Variants in HSPG2 observed in about 807,000 individuals in gnomAD.
HSPG2 encodes heparan sulfate proteoglycan 2, also known as basement membrane-specific heparan sulfate proteoglycan core protein.
HSPG2 carries 278 observed loss-of-function variants against 526.6 expected under a neutral mutation model. That is an observed-to-expected ratio of 0.53 (90% CI 0.48 to 0.58). The LOEUF (loss-of-function observed/expected upper bound fraction) is 0.58. HSPG2 is among the 20% of genes least tolerant of loss of function. The pLI is 0.00. For missense variants in HSPG2, 5,354 were observed against 6,099.5 expected (o/e 0.88, Z 4.07); for synonymous variants, 2,465 against 2,555.4 (o/e 0.96, Z 1.07).
rs897472 is a variant in HSPG2 at position 21,864,538 on chromosome 1, C to A, written c.4626+305G>T. Among the ~76,000 whole-genome samples the A allele has an allele frequency of 0.94, 143,553 of 152,252 alleles. 68,132 individuals are homozygous for A. The highest frequency in any genetic ancestry group is 1 in the Non-Finnish European group (67,875 of 68,034). ...CGGAGAGTGTGGCCCAAACGTGAGG[C>A]TGCACTGCCCAGTGGTTAGGACATG... On this transcript the variant is annotated intron_variant, in intron 36 of 96. Coordinates refer to ENST00000374695, the MANE Select transcript of HSPG2 (RefSeq NM_005529.7). The surrounding 1 kb of genome is among the most constrained non-coding windows in gnomAD (Gnocchi z 4.8).
chr1:21,916,327 C>G (rs71637002), intron 1 of HSPG2, among the ~76,000 whole-genome samples: 1 of 152,010 alleles, frequency 6.6e-6, no homozygotes, highest in Non-Finnish European at 1.5e-5. Context: ...CGGTGAAACC[C>G]TGTCTCTATT....
intron 1 of HSPG2, among the ~76,000 whole-genome samples, chr1:21,909,254 C>T (rs1300077833): frequency 1.3e-5 from 2 of 152,148 alleles, no homozygotes; most frequent in Non-Finnish European, 2.9e-5. Context: ...CTGCAGACAG[C>T]TTACAAAGAT....
chr1:21,874,771 G>A (rs372109121), intron 26 of HSPG2, 42 bp from the exon 27 acceptor site: 310 of 1,536,454 alleles, frequency 2.0e-4, no homozygotes, highest in Non-Finnish European at 2.5e-4. Flanking sequence ...TTCCGAACAC[G>A]GCCCATTCAG....
chr1:21,918,589 C>T (rs1166858768), intron 1 of HSPG2, among the ~76,000 whole-genome samples: 3 of 152,094 alleles, frequency 2.0e-5, no homozygotes, highest in Non-Finnish European at 2.9e-5. Context: ...AGTTATCTTC[C>T]CAACAGCCCC....
Position 21,839,238 on chromosome 1 carries a change from G to C in HSPG2, c.9889+133C>G, listed in dbSNP as rs1463977493. 3 of 1,425,714 alleles carry C rather than the reference G, an allele frequency of 2.1e-6. No homozygotes were observed. The highest frequency in any genetic ancestry group is 2.9e-6 in the Non-Finnish European group (3 of 1,031,490). The allele number at this position is 1,425,714 out of a possible 1,614,324, so 88.3% of individuals were successfully genotyped here. A position where few individuals can be genotyped will look rare whatever the true frequency, so the allele number is the denominator to read the frequency against. On this transcript the variant is annotated intron_variant, in intron 73 of 96. Transcript: ENST00000374695. This position sits in a 1 kb window ranked among gnomAD's most constrained non-coding sequence, Gnocchi z 4.5. The stretch of plus-strand genomic sequence containing the variant: ...TCCCAGGCCAGGGTGTGGGTGTCGG[G>C]CAGGGCAGGCTCCAGGACCCTGCAG...
At chr1:21,869,761 C>T (rs36086776) in intron 33 of HSPG2, 48,340 of 981,238 alleles carry the variant, frequency 0.049, 1,369 homozygotes, top group South Asian at 0.11. Flanking sequence ...GCCAGCCACC[C>T]GCTCTGCACT....
At position 21,850,445 on chromosome 1, in the gene HSPG2, C is replaced by T; in HGVS notation, c.7212G>A (p.Glu2404=). 1 of 1,611,914 alleles carries T rather than the reference C, an allele frequency of 6.2e-7. No individual in the cohort carries two copies. Among genetic ancestry groups the T allele is most frequent in the Non-Finnish European group, 8.5e-7 (1 of 1,179,034 alleles). ...LYQASPADSG[E]YVCRVLGSSV... ...AGCTGCCCAACACTCGGCACACGTA[C>T]TCGCCCGAGTCGGCGGGGGACGCTT... Residue 2404 remains glutamate (E), a synonymous_variant, in exon 56 of 97, where the codon GAG becomes GAA. Coordinates refer to ENST00000374695, the MANE Select transcript of HSPG2 (RefSeq NM_005529.7).
chr1:21,845,476 T>A (rs533357264), intron 64 of HSPG2, among the ~76,000 whole-genome samples: 5 of 152,116 alleles, frequency 3.3e-5, no homozygotes, highest in Non-Finnish European at 7.4e-5. Flanking sequence ...CCTCCTGGGT[T>A]CAAGTGATTC....
In HSPG2 at chr1:21,880,494, G is replaced by A. The variant is rs753415707; in HGVS notation, c.2064C>T (p.Ser688=). ...CGGTCTGGATGAGCACGGCCTCCAG[G>A]CTCTGCAGCACCTGCAGCAGCTCCG... ...QRAELLQVLQ[S]LEAVLIQTVY... is the part of the protein sequence containing the mutation. The change falls in exon 16 of 97, where the codon AGC becomes AGT. Residue 688 remains serine, a synonymous_variant. Transcript: ENST00000374695. 1.2e-6 allele frequency: 2 copies of A among 1,613,798 alleles called. No individual in the cohort carries two copies. The highest frequency in any genetic ancestry group is 1.7e-5 in the Admixed American group (1 of 60,018).
Position 21,858,385 on chromosome 1 carries a change from A to G in HSPG2, c.5294-1000T>C, listed in dbSNP as rs374306256. Among the ~76,000 whole-genome samples, 15 of 152,030 alleles carry G rather than the reference A, an allele frequency of 9.9e-5. No homozygotes were observed. In the East Asian group the frequency reaches 2.7e-3, roughly 28 times the overall value. Reference sequence around the variant, plus strand: ...CTTCCATTTGACATGTTCACACTGGAGCTCCTCAGGACTCTGGGCTGGGGC... The same window carrying G: ...CTTCCATTTGACATGTTCACACTGGGGCTCCTCAGGACTCTGGGCTGGGGC... On this transcript the variant is annotated intron_variant, in intron 42 of 96. Transcript: ENST00000374695. This position sits in a 1 kb window ranked among gnomAD's most constrained non-coding sequence, Gnocchi z 4.2.
At chr1:21,930,231 C>T (rs555147823) in intron 1 of HSPG2, among the ~76,000 whole-genome samples, 19 of 152,272 alleles carry the variant, frequency 1.2e-4, no homozygotes, top group African/African-American at 4.3e-4. Context: ...TTGATATCTG[C>T]GAGGCTCACC....
intron 1 of HSPG2, among the ~76,000 whole-genome samples, chr1:21,930,129 G>A (rs987235558): frequency 4.0e-5 from 6 of 151,286 alleles, no homozygotes; most frequent in African/African-American, 9.7e-5. Context: ...CCAGCCCCAC[G>A]GGCCTCCTTG....
At position 21,848,683 on chromosome 1, in the gene HSPG2, G is replaced by C; in HGVS notation, c.7697C>G (p.Thr2566Ser). 6.2e-7 allele frequency: 1 copy of C among 1,613,860 alleles called. No individual in the cohort carries two copies. The change falls in exon 59 of 97, where the codon ACC becomes AGC. Residue 2566 changes from threonine (T) to serine (S), a missense_variant. Transcript: ENST00000374695. This position sits in a 1 kb window ranked among gnomAD's most constrained non-coding sequence, Gnocchi z 4.9. Reference sequence around the variant, plus strand: ...TAAGCTGCCTCCACGCTTATACCAGGTGATGGTGTGGGGAGCCTGGCTGGC... The same window carrying C: ...TAAGCTGCCTCCACGCTTATACCAGCTGATGGTGTGGGGAGCCTGGCTGGC... Reference protein sequence around the residue: ...LVASQAPHTITWYKRGGSLPS... With the variant: ...LVASQAPHTISWYKRGGSLPS...
At position 21,896,292 on chromosome 1, in the gene HSPG2, C is replaced by T. The variant is rs780574006; in HGVS notation, c.82G>A (p.Ala28Thr). The T allele has an allele frequency of 3.1e-6, 5 of 1,613,684 alleles. No individual in the cohort carries two copies. In the East Asian group the frequency reaches 8.9e-5, roughly 29 times the overall value. Residue 28 changes from alanine to threonine, a missense_variant, in exon 2 of 97, where the codon GCA (alanine) becomes ACA (threonine). Physicochemically the swap from Ala to Thr is moderately conservative, Grantham distance 58. Transcript: ENST00000374695. ...TCAGGCAGAGACAAGCCATCGTATG[C>T]CCTCAGCCCATGGGTCACCTGTAAG... The part of the protein sequence containing the change: ...RLLAVTHGLR[A>T]YDGLSLPEDI...
chr1:21,865,959 C>T lies in HSPG2; in HGVS notation c.4222-150G>A. The T allele has an allele frequency of 1.5e-6, 1 of 678,196 alleles. No individual in the cohort carries two copies. The highest frequency in any genetic ancestry group is 2.7e-6 in the Non-Finnish European group (1 of 372,838). The allele number at this position is 678,196 out of a possible 1,614,324, so 42.0% of individuals were successfully genotyped here. A position where few individuals can be genotyped will look rare whatever the true frequency, so the allele number is the denominator to read the frequency against. On this transcript the variant is annotated intron_variant, in intron 33 of 96. Coordinates refer to ENST00000374695, the MANE Select transcript of HSPG2 (RefSeq NM_005529.7). This position sits in a 1 kb window ranked among gnomAD's most constrained non-coding sequence, Gnocchi z 5.4. ...CTGCCCAAACCAAGAGGCCAGGGTG[C>T]ATGGTTGCCTGGGAAACAGGACATT...
In HSPG2 at chr1:21,837,000, G is replaced by A. The variant is rs2098028945; in HGVS notation, c.10157C>T (p.Pro3386Leu). The change falls in exon 75 of 97, where the codon CCC becomes CTC. Residue 3386 changes from proline (P) to leucine (L), a missense_variant. Pro to Leu is a moderately conservative substitution (Grantham distance 98, BLOSUM62 -3). Coordinates refer to ENST00000374695, the MANE Select transcript of HSPG2 (RefSeq NM_005529.7). Reference sequence around the variant, plus strand: ...GATGGAGGTGGCAGGGAGAGAGCCGGGAGGGCCTGCGGGGACATGTATGAG... The same window carrying A: ...GATGGAGGTGGCAGGGAGAGAGCCGAGAGGGCCTGCGGGGACATGTATGAG... ...AFAQLLVQGP[P>L]GSLPATSIPA... 5 of 1,550,160 alleles carry A rather than the reference G, an allele frequency of 3.2e-6. No homozygotes were observed. Among genetic ancestry groups the A allele is most frequent in the Non-Finnish European group, 4.4e-6 (5 of 1,147,902 alleles).
At position 21,842,129 on chromosome 1, in the gene HSPG2, C is replaced by T. The variant is rs772844055; in HGVS notation, c.9066G>A (p.Pro3022=). The part of the protein sequence containing the change: ...SEGSSYRLRS[P]VISIDPPSST... ...TGCTGGGCGGGTCGATGGAGATGACCGGGCTCCTAAGGCCTGGGGCCAAAG... is the reference window on the plus strand; with the variant it reads ...TGCTGGGCGGGTCGATGGAGATGACTGGGCTCCTAAGGCCTGGGGCCAAAG... The change falls in exon 69 of 97, where the codon CCG becomes CCA. Residue 3022 remains proline (P), a synonymous_variant. Coordinates refer to ENST00000374695, the MANE Select transcript of HSPG2 (RefSeq NM_005529.7). 37 of 1,613,566 alleles carry T rather than the reference C, an allele frequency of 2.3e-5. No homozygotes were observed. Among genetic ancestry groups the T allele is most frequent in the East Asian group, 4.5e-5 (2 of 44,884 alleles).
intron 3 of HSPG2, among the ~76,000 whole-genome samples, chr1:21,892,709 T>C (rs902810667): frequency 1.3e-5 from 2 of 151,624 alleles, no homozygotes; most frequent in African/African-American, 4.8e-5. Context: ...AATACAAAAA[T>C]TAACCAGGCG....
At chr1:21,843,707 T>G (rs1572197538) in intron 65 of HSPG2, among the ~76,000 whole-genome samples, 1 of 152,046 alleles carries the variant, frequency 6.6e-6, no homozygotes, top group Non-Finnish European at 1.5e-5. Flanking sequence ...AGTGCAGTGG[T>G]GCAATCTCGG....
Sources: allele counts gnomAD v4.1 joint callset (sites outside exome capture counted in the v4.1 genomes callset), GRCh38; gene constraint gnomAD v4.1.1; non-coding constraint Gnocchi (gnomAD v3.1); transcripts MANE v1.5; gene names NCBI Gene and HGNC (gene_info 2026-07-23, HGNC 2026-07-21).